The following CD177 variants were observed in gnomAD, a reference collection of about 807,000 sequenced individuals.
The protein encoded by CD177 is CD177 molecule, also known as CD177 antigen.
In CD177, 41 loss-of-function variants were observed where a neutral mutation model predicts 38.1. The observed-to-expected ratio is 1.07, with a 90% CI of 0.84 to 1.39. The LOEUF (loss-of-function observed/expected upper bound fraction) is 1.39. Ranked by LOEUF, CD177 falls within the 40% of genes most tolerant of loss-of-function variation. The pLI is 0.00. For missense variants in CD177, 619 were observed against 523.8 expected, an observed-to-expected ratio of 1.18 and a Z score of -1.77; for synonymous variants, 236 against 216.7, an observed-to-expected ratio of 1.09 and a Z score of -0.78.
chr19:43,360,731 C>A (rs1969950528), intron 6 of CD177: 2 of 412,010 alleles, frequency 4.9e-6, no homozygotes, highest in South Asian at 6.6e-5. Flanking sequence ...TTAGGTGCCG[C>A]AGATCCAATC....
chr19:43,361,832 G>C (rs1000383035), intron 8 of CD177, among the ~76,000 whole-genome samples: 9 of 149,574 alleles, frequency 6.0e-5, no homozygotes, highest in African/African-American at 1.7e-4. Context: ...GGGAGGAGGG[G>C]CTGGGGGCCG....
downstream of CD177, among the ~76,000 whole-genome samples, chr19:43,363,795 A>G (rs1194955233): frequency 2.0e-5 from 3 of 152,138 alleles, no homozygotes; most frequent in African/African-American, 7.2e-5. Flanking sequence ...CCAAATGAAA[A>G]TCAAAGTCCA....
rs28460459 is a variant in CD177, at chr19:43,362,946, G to A, written c.*626G>A. 6.6e-6 allele frequency: 1 copy of A among 152,138 alleles called. No homozygotes were observed. The highest frequency in any genetic ancestry group is 6.5e-5 in the Admixed American group (1 of 15,286). The allele number at this position is 152,138 out of a possible 1,614,324, so 9.4% of individuals were successfully genotyped here. ...GAAATGTGTCGTTAGGTGATTTTAT[G>A]ACCATAGGAACATTGTAGCGTGCAC... On this transcript the variant is annotated 3_prime_UTR_variant, in exon 9 of 9. Coordinates refer to ENST00000618265, the MANE Select transcript of CD177 (RefSeq NM_020406.4).
At position 43,362,989 on chromosome 19, in the gene CD177, G is replaced by A. The variant is rs1178299957; in HGVS notation, c.*669G>A. On this transcript the variant is annotated 3_prime_UTR_variant, in exon 9 of 9. Coordinates refer to ENST00000618265, the MANE Select transcript of CD177 (RefSeq NM_020406.4). ...GCGTGCACTTACACCAACCCAGATG[G>A]TACAGCCCAATACACACCCAGGATG... 2.0e-5 allele frequency: 3 copies of A among 152,186 alleles called. No homozygotes were observed. The highest frequency in any genetic ancestry group is 7.2e-5 in the African/African-American group (3 of 41,428). The allele number at this position is 152,186 out of a possible 1,614,324, so 9.4% of individuals were successfully genotyped here. A position where few individuals can be genotyped will look rare whatever the true frequency, so the allele number is the denominator to read the frequency against.
At chr19:43,363,968 C>T (rs190023101), downstream of CD177, among the ~76,000 whole-genome samples, 693 of 150,452 alleles carry the variant, frequency 4.6e-3, 4 homozygotes, top group African/African-American at 0.016. Flanking sequence ...TGTGCGCCCC[C>T]TCCCTCTACT....
chr19:43,354,408 T>C lies in CD177; in HGVS notation c.379+16T>C, dbSNP rs375720997. On this transcript the variant is annotated intron_variant, in intron 3 of 8. Coordinates refer to ENST00000618265, the MANE Select transcript of CD177 (RefSeq NM_020406.4). ...CCCCCAGCAGGTGCCTGCGGGAGGG[T>C]CGGGAGGAGAGGGAGGGGCTGCTAG... 14 of 1,611,822 alleles carry C rather than the reference T, an allele frequency of 8.7e-6. No homozygotes were observed. The highest frequency in any genetic ancestry group is 1.2e-5 in the Non-Finnish European group (14 of 1,179,330).
At chr19:43,354,516 C>G (rs1266769521) in intron 3 of CD177, 124 bp downstream of exon 3, 3 of 939,704 alleles carry the variant, frequency 3.2e-6, no homozygotes, top group African/African-American at 1.6e-5. Context: ...TGGCTCCATC[C>G]CTCCCCTGAC....
In CD177 at chr19:43,355,798, T is replaced by C. The variant is rs761367897; in HGVS notation, c.502+15T>C. The C allele has an allele frequency of 6.2e-6, 10 of 1,612,694 alleles. No individual in the cohort carries two copies. Among genetic ancestry groups the C allele is most frequent in the African/African-American group, 1.3e-5 (1 of 74,688 alleles). Reference sequence around the variant, plus strand: ...GCTCAGGGGAGGTAAGCCTGGGACATCGGGGTCCCTGTGGGGACTGAACTG... The same window carrying C: ...GCTCAGGGGAGGTAAGCCTGGGACACCGGGGTCCCTGTGGGGACTGAACTG... On this transcript the variant is annotated intron_variant, in intron 4 of 8. Coordinates refer to ENST00000618265, the MANE Select transcript of CD177 (RefSeq NM_020406.4).
rs1355556747 is a variant in CD177, at chr19:43,353,754, C to T, written c.40C>T (p.Leu14Phe). 2 of 1,613,966 alleles carry T rather than the reference C, an allele frequency of 1.2e-6. No homozygotes were observed. The highest frequency in any genetic ancestry group is 1.7e-6 in the Non-Finnish European group (2 of 1,179,866). The stretch of plus-strand genomic sequence containing the variant: ...ACTGCTGGCCCTCCTGGGGTTCATC[C>T]TCCCACTGCCAGGTGAGTGATGAGC... ...VLLLALLGFILPLPGVQALLC... is the reference protein window; with the variant it reads ...VLLLALLGFIFPLPGVQALLC... Residue 14 changes from leucine to phenylalanine, a missense_variant, in exon 1 of 9, where the codon CTC becomes TTC. By Grantham distance (22) the Leu-to-Phe change is conservative (BLOSUM62 0). Coordinates refer to ENST00000618265, the MANE Select transcript of CD177 (RefSeq NM_020406.4).
intron 3 of CD177, chr19:43,354,608 G>A (rs539292995): frequency 1.5e-5 from 9 of 595,096 alleles, no homozygotes; most frequent in Non-Finnish European, 2.4e-5. Context: ...CCTGCCACCC[G>A]GGAATCCCCG....
Position 43,363,105 on chromosome 19 carries a change from T to A in CD177, c.*785T>A, listed in dbSNP as rs1307312853. On this transcript the variant is annotated 3_prime_UTR_variant, in exon 9 of 9. Coordinates refer to ENST00000618265, the MANE Select transcript of CD177 (RefSeq NM_020406.4). ...GCAATCTTAACACCACGGCAAGTAT[T>A]TGTGCATCTACACACATCTAAACAT... 6.6e-6 allele frequency: 1 copy of A among 151,260 alleles called. No individual in the cohort carries two copies. Among genetic ancestry groups the A allele is most frequent in the African/African-American group, 2.4e-5 (1 of 41,028 alleles). The allele number at this position is 151,260 out of a possible 1,614,324, so 9.4% of individuals were successfully genotyped here. A position where few individuals can be genotyped will look rare whatever the true frequency, so the allele number is the denominator to read the frequency against.
At position 43,355,660 on chromosome 19, in the gene CD177, G is replaced by C. The variant is rs138962093; in HGVS notation, c.380-1G>C. The C allele has an allele frequency of 3.0e-3, 4,801 of 1,612,554 alleles. 33 individuals carry two copies. The highest frequency in any genetic ancestry group is 4.6e-3 in the South Asian group (416 of 90,986). Reference sequence around the variant, plus strand: ...CCTCACTCTGTCTGTCACTTTCCTAGACCCAGGATCCTTGAGGTGCCCAGT... The same window carrying C: ...CCTCACTCTGTCTGTCACTTTCCTACACCCAGGATCCTTGAGGTGCCCAGT... On this transcript the variant is annotated splice_acceptor_variant, in intron 3 of 8. Transcript: ENST00000618265. LOFTEE classifies it high-confidence loss of function.
chr19:43,355,637 T>C (rs1408780196), intron 3 of CD177, 24 bp from the exon 4 acceptor site: 6 of 1,612,046 alleles, frequency 3.7e-6, no homozygotes, highest in Admixed American at 1.7e-5. Context: ...CAGTGCCCCC[T>C]CACTCTGTCT....
At position 43,362,602 on chromosome 19, in the gene CD177, G is replaced by A. The variant is rs1046785509; in HGVS notation, c.*282G>A. ...TCCCAGTGCTGGGATTTCTCCATGTGAGGGGGCAGCAGGACACCCAGGGAT... is the reference window on the plus strand; with the variant it reads ...TCCCAGTGCTGGGATTTCTCCATGTAAGGGGGCAGCAGGACACCCAGGGAT... On this transcript the variant is annotated 3_prime_UTR_variant, in exon 9 of 9. Transcript: ENST00000618265. The A allele has an allele frequency of 3.4e-6, 1 of 294,136 alleles. No individual in the cohort carries two copies. The highest frequency in any genetic ancestry group is 5.0e-5 in the Admixed American group (1 of 19,880). The allele number at this position is 294,136 out of a possible 1,614,324, so 18.2% of individuals were successfully genotyped here.
chr19:43,360,155 G>A, intron 5 of CD177, 110 bp from the exon 6 acceptor site: 3 of 1,301,888 alleles, frequency 2.3e-6, no homozygotes, highest in Non-Finnish European at 3.1e-6. Flanking sequence ...CTGTGGCCAG[G>A]TCACCTGGAG....
In CD177 at chr19:43,361,247, T is replaced by C; in HGVS notation, c.865T>C (p.Ser289Pro). The C allele has an allele frequency of 2.0e-6, 3 of 1,533,568 alleles. No homozygotes were observed. Among genetic ancestry groups the C allele is most frequent in the East Asian group, 4.5e-5 (2 of 44,700 alleles). 95.0% of individuals were successfully genotyped at this position (1,533,568 alleles called of 1,614,324 possible). A position where few individuals can be genotyped will look rare whatever the true frequency, so the allele number is the denominator to read the frequency against. Reference protein sequence around the residue: ...HSAPPGVLVASYTHFCSSDLC... With the variant: ...HSAPPGVLVAPYTHFCSSDLC... ...AGCCCCTCCTGGGGTGCTTGTGGCC[T>C]CCTATACCCACTTCTGCTCCTCGGA... is the stretch of plus-strand genomic sequence containing the variant. Residue 289 changes from serine to proline, a missense_variant, in exon 7 of 9, where the codon TCC becomes CCC. Physicochemically the swap from Ser to Pro is moderately conservative, Grantham distance 74 (BLOSUM62 -1). Transcript: ENST00000618265.
At chr19:43,360,064 C>T (rs948245388) in intron 5 of CD177, among the ~76,000 whole-genome samples, 5 of 151,814 alleles carry the variant, frequency 3.3e-5, no homozygotes, top group South Asian at 2.1e-4. Flanking sequence ...GACGTCCCTG[C>T]GGGTGTTCAA....
At chr19:43,360,150 G>A in intron 5 of CD177, 115 bp from the exon 6 acceptor site, 2 of 1,242,244 alleles carry the variant, frequency 1.6e-6, no homozygotes, top group Non-Finnish European at 2.2e-6. Context: ...GGAATCTGTG[G>A]CCAGGTCACC....
At position 43,354,386 on chromosome 19, in the gene CD177, C is replaced by T. The variant is rs375221290; in HGVS notation, c.373C>T (p.Pro125Ser). The T allele has an allele frequency of 4.3e-6, 7 of 1,613,718 alleles. No individual in the cohort carries two copies. Among genetic ancestry groups the T allele is most frequent in the Non-Finnish European group, 5.9e-6 (7 of 1,179,878 alleles). The change falls in exon 3 of 9, where the codon CCA becomes TCA. Residue 125 changes from proline (P) to serine (S), a missense_variant. Transcript: ENST00000618265. ...CCTCCCGCTTTGGGCCCCACAGCCCCCAGCAGGTGCCTGCGGGAGGGTCGG... is the reference window on the plus strand; with the variant it reads ...CCTCCCGCTTTGGGCCCCACAGCCCTCAGCAGGTGCCTGCGGGAGGGTCGG... ...NSLPLWAPQP[P>S]ADPGSLRCPV...
Sources: gnomAD v4.1 joint callset for allele counts (sites outside exome capture counted in the v4.1 genomes callset) on GRCh38, gnomAD v4.1.1 for gene constraint, MANE v1.5 for transcripts, NCBI Gene and HGNC (gene_info 2026-07-23, HGNC 2026-07-21) for gene names.